The following PRIM2 variants were observed in gnomAD, a reference collection of about 807,000 sequenced individuals.
PRIM2 encodes DNA primase subunit 2, also known as DNA primase large subunit.
PRIM2 carries 39 observed loss-of-function variants against 67.3 expected under a neutral mutation model. The observed-to-expected ratio is 0.58, with a 90% confidence interval of 0.45 to 0.76. PRIM2 has a LOEUF of 0.76. PRIM2 is among the 30% of genes least tolerant of loss of function. The pLI, the probability that PRIM2 is intolerant of heterozygous loss-of-function variation, is 0.00. For missense variants in PRIM2, 398 were observed against 598.7 expected (o/e 0.66, Z 3.50); for synonymous variants, 143 against 198.7 (o/e 0.72, Z 2.36).
chr6:57,273,676 G>A, the PRIM2 span, among the ~76,000 whole-genome samples: 1 of 152,232 alleles, frequency 6.6e-6, no homozygotes, highest in Non-Finnish European at 1.5e-5. Flanking sequence ...GTGAGGAGCT[G>A]CATTCCTTTG....
chr6:57,526,045 A>G (rs1469263299), intron 8 of PRIM2, among the ~76,000 whole-genome samples: 1 of 152,274 alleles, frequency 6.6e-6, no homozygotes, highest in East Asian at 1.9e-4. Context: ...GAATCTGACA[A>G]TCTAGTGATA....
At position 57,628,397 on chromosome 6, in the gene PRIM2, C is replaced by G. The variant is rs1183596774; in HGVS notation, c.1231-3736C>G. ...GGATGGAGGTCTGGGCTTTCAGAAG[C>G]TATGCTGCAGAAACAAACACAGGCA... On this transcript the variant is annotated intron_variant, in intron 12 of 13. Coordinates refer to ENST00000615550, the MANE Select transcript of PRIM2 (RefSeq NM_000947.5). 5.3e-5 allele frequency among the ~76,000 whole-genome samples: 8 copies of G among 152,298 alleles called. No individual in the cohort carries two copies. In the South Asian group the frequency reaches 1.7e-3, roughly 32 times the overall value.
intron 5 of PRIM2, among the ~76,000 whole-genome samples, chr6:57,344,775 G>A (rs972065272): frequency 1.3e-5 from 2 of 152,024 alleles, no homozygotes; most frequent in Non-Finnish European, 2.9e-5. Flanking sequence ...ATACACCATG[G>A]CAGATGGTCT....
intron 7 of PRIM2, among the ~76,000 whole-genome samples, chr6:57,428,892 C>T (rs1771723414): frequency 6.6e-6 from 1 of 152,116 alleles, no homozygotes; most frequent in Non-Finnish European, 1.5e-5. Context: ...TTTTAACATG[C>T]ATTATTTGTA....
chr6:57,603,725 A>G (rs1209125733), intron 11 of PRIM2, among the ~76,000 whole-genome samples: 2 of 151,468 alleles, frequency 1.3e-5, no homozygotes, highest in Non-Finnish European at 2.9e-5. Flanking sequence ...GAAAAATGAC[A>G]TTGGTAGTTT....
rs1156576933 is a variant in PRIM2, at chr6:57,642,435, C to CTTTTTTTTTTTTTT, written c.1300-3481_1300-3468dup. 8.4e-4 allele frequency among the ~76,000 whole-genome samples: 70 copies of CTTTTTTTTTTTTTT among 83,178 alleles called. 3 individuals carry two copies. Among genetic ancestry groups the CTTTTTTTTTTTTTT allele is most frequent in the Non-Finnish European group, 1.0e-3 (48 of 47,410 alleles). 54.6% of individuals were successfully genotyped at this position (83,178 alleles called of 152,430 possible). A position where few individuals can be genotyped will look rare whatever the true frequency, so the allele number is the denominator to read the frequency against. ...TATGCACATACCTTAAATATTATAT[C>CTTTTTTTTTTTTTT]TTTTTTTTTTTTTTTTTTTTTTTTT... On this transcript the variant is annotated intron_variant, in intron 13 of 13. Transcript: ENST00000615550.
intron 5 of PRIM2, among the ~76,000 whole-genome samples, chr6:57,347,074 C>A (rs575576919): frequency 6.6e-6 from 1 of 152,288 alleles, no homozygotes; most frequent in African/African-American, 2.4e-5. Flanking sequence ...GCTATTGATA[C>A]CTGCCTCCTG....
At chr6:57,307,915 G>T in the PRIM2 span, among the ~76,000 whole-genome samples, 1 of 152,094 alleles carries the variant, frequency 6.6e-6, no homozygotes. Flanking sequence ...GCAGGGGAGG[G>T]GGCTAGAGTG....
chr6:57,346,718 GGTCTAGTTCAGAGTCTA>G (rs1390188155), intron 5 of PRIM2, among the ~76,000 whole-genome samples: 3 of 152,210 alleles, frequency 2.0e-5, no homozygotes, highest in African/African-American at 7.2e-5. Context: ...CTTGTGTCAT[GGTCTAGTTCAGAGTCTA>G]GGTCAGATTG....
Position 57,482,042 on chromosome 6 carries a change from G to C in PRIM2, c.694-25345G>C, listed in dbSNP as rs1264818655. ...CAGTGTGAGAACAGAGAGAATGATG[G>C]GTAAGTCTGCATGGCTGGGATGGGA... On this transcript the variant is annotated intron_variant, in intron 7 of 13. Coordinates refer to ENST00000615550, the MANE Select transcript of PRIM2 (RefSeq NM_000947.5). Among the ~76,000 whole-genome samples the C allele has an allele frequency of 3.9e-5, 6 of 152,198 alleles. No individual in the cohort carries two copies. In the South Asian group the frequency reaches 1.2e-3, roughly 32 times the overall value.
the PRIM2 span, among the ~76,000 whole-genome samples, chr6:57,258,486 C>G: frequency 1.3e-5 from 2 of 152,166 alleles, no homozygotes; most frequent in Non-Finnish European, 1.5e-5. Context: ...GCCAACCACC[C>G]TGCCAAAACT....
intron 10 of PRIM2, 56 bp from the exon 11 acceptor site, chr6:57,601,037 C>T (rs1429758005): frequency 1.3e-6 from 2 of 1,488,040 alleles, no homozygotes; most frequent in African/African-American, 1.4e-5. Flanking sequence ...TGTTGCTGAC[C>T]TCACTAGTAT....
chr6:57,428,124 T>A (rs1771692439), intron 7 of PRIM2, among the ~76,000 whole-genome samples: 1 of 88,656 alleles, frequency 1.1e-5, no homozygotes, highest in East Asian at 2.7e-4. Context: ...TGACATTTTT[T>A]AATTTAAATA....
chr6:57,330,361 GTTTTTGTT>G (rs1285553858), intron 5 of PRIM2, among the ~76,000 whole-genome samples: 19 of 110,398 alleles, frequency 1.7e-4, no homozygotes, highest in Non-Finnish European at 2.5e-4. Flanking sequence ...TTTTTTTTTT[GTTTTTGTT>G]TTTTTGTTTT....
intron 12 of PRIM2, among the ~76,000 whole-genome samples, chr6:57,607,988 T>G (rs1776592503): frequency 6.6e-6 from 1 of 152,132 alleles, no homozygotes; most frequent in African/African-American, 2.4e-5. Context: ...GAAGCCAGGC[T>G]TTCTGACTCT....
intron 7 of PRIM2, among the ~76,000 whole-genome samples, chr6:57,467,475 A>G (rs1773232393): frequency 6.6e-6 from 1 of 152,088 alleles, no homozygotes; most frequent in Admixed American, 6.5e-5. Flanking sequence ...GTTTTGTTCC[A>G]TTGATCTATA....
At chr6:57,496,406 C>T (rs2127412111) in intron 7 of PRIM2, among the ~76,000 whole-genome samples, 1 of 152,262 alleles carries the variant, frequency 6.6e-6, no homozygotes, top group African/African-American at 2.4e-5. Context: ...AGAAGATACA[C>T]AACATGCACT....
intron 7 of PRIM2, among the ~76,000 whole-genome samples, chr6:57,491,221 A>G (rs1182178717): frequency 3.9e-5 from 6 of 152,220 alleles, no homozygotes; most frequent in Non-Finnish European, 5.9e-5. Flanking sequence ...TCCATATGGA[A>G]CATGAGTCAG....
rs1214854709 is a variant in PRIM2 at position 57,558,840 on chromosome 6, T to C, written c.1020+21215T>C. On this transcript the variant is annotated intron_variant, in intron 10 of 13. Coordinates refer to ENST00000615550, the MANE Select transcript of PRIM2 (RefSeq NM_000947.5). ...TTTAGGTAGTCATTAACGAGATACA[T>C]TTTGGGGCTGGGCACGGTGGCTCAC... Among the ~76,000 whole-genome samples the C allele has an allele frequency of 8.9e-4, 135 of 152,096 alleles. 1 individual carries two copies. The highest frequency in any genetic ancestry group is 7.7e-3 in the Admixed American group (118 of 15,264).
Sources: allele counts gnomAD v4.1 joint callset (sites outside exome capture counted in the v4.1 genomes callset), GRCh38; gene constraint gnomAD v4.1.1; transcripts MANE v1.5; gene names NCBI Gene and HGNC (gene_info 2026-07-23, HGNC 2026-07-21).